NPSR1: variants seen among roughly 807,000 people sequenced by gnomAD.
NPSR1 encodes neuropeptide S receptor 1.
Under a neutral mutation model 46.9 loss-of-function variants are expected in NPSR1, and 48 were observed. The ratio of observed to expected loss-of-function variants is 1.02; its 90% CI spans 0.81 to 1.30. The LOEUF (loss-of-function observed/expected upper bound fraction) is 1.30. Among genes scored for constraint, NPSR1 ranks in the 50% most tolerant of loss-of-function variants. The pLI is 0.00. For synonymous variants in NPSR1, 176 were observed against 168.1 expected, an observed-to-expected ratio of 1.05 and a Z score of -0.36; for missense variants, 450 against 449.5, an observed-to-expected ratio of 1.00 and a Z score of -0.01.
At chr7:34,825,259 A>G (rs1262424936) in intron 4 of NPSR1, among the ~76,000 whole-genome samples, 3 of 152,090 alleles carry the variant, frequency 2.0e-5, no homozygotes, top group Admixed American at 6.5e-5. Context: ...ACCTCCCCAT[A>G]TGTCTGTGCC....
intron 2 of NPSR1, among the ~76,000 whole-genome samples, chr7:34,741,107 A>G (rs1277986603): frequency 6.6e-6 from 1 of 152,144 alleles, no homozygotes; most frequent in Non-Finnish European, 1.5e-5. Flanking sequence ...TGTTACTTTT[A>G]AGATTGTCTC....
intron 3 of NPSR1, among the ~76,000 whole-genome samples, chr7:34,801,784 T>G (rs1177049115): frequency 6.7e-6 from 1 of 149,044 alleles, no homozygotes; most frequent in Non-Finnish European, 1.5e-5. Context: ...AAATTGTCCC[T>G]GTTTGCAGAT....
At chr7:34,832,746 T>A (rs958220975) in intron 5 of NPSR1, among the ~76,000 whole-genome samples, 2 of 152,212 alleles carry the variant, frequency 1.3e-5, no homozygotes, top group African/African-American at 4.8e-5. Flanking sequence ...CCTGTGTACA[T>A]GGTTGATAAC....
At chr7:34,796,620 A>C (rs1788184047) in intron 3 of NPSR1, among the ~76,000 whole-genome samples, 1 of 152,202 alleles carries the variant, frequency 6.6e-6, no homozygotes, top group Non-Finnish European at 1.5e-5. Context: ...TGCAAATTAA[A>C]ACAATGATAT....
intron 1 of NPSR1, among the ~76,000 whole-genome samples, chr7:34,664,319 A>T (rs1013142883): frequency 6.6e-6 from 1 of 152,204 alleles, no homozygotes; most frequent in Non-Finnish European, 1.5e-5. Context: ...TAATAATTGC[A>T]TGTCCTGTAG....
chr7:34,860,848 C>G (rs1791176607), intron 8 of NPSR1, among the ~76,000 whole-genome samples: 1 of 151,872 alleles, frequency 6.6e-6, no homozygotes, highest in South Asian at 2.1e-4. Flanking sequence ...CTTCCCCACT[C>G]TCCCCACTCC....
chr7:34,862,991 G>T (rs928921197), intron 8 of NPSR1, among the ~76,000 whole-genome samples: 7 of 151,630 alleles, frequency 4.6e-5, no homozygotes, highest in Admixed American at 4.6e-4. Flanking sequence ...ATACTACAAG[G>T]CTACAGTAAC....
intron 3 of NPSR1, among the ~76,000 whole-genome samples, chr7:34,811,054 G>A (rs1328108076): frequency 6.6e-6 from 1 of 152,140 alleles, no homozygotes; most frequent in Non-Finnish European, 1.5e-5. Context: ...GTCTGGGGTG[G>A]GTGCCTGTGA....
intron 3 of NPSR1, among the ~76,000 whole-genome samples, chr7:34,803,380 T>G (rs1221493428): frequency 6.6e-6 from 1 of 152,148 alleles, no homozygotes; most frequent in East Asian, 1.9e-4. Context: ...TGGAATACTA[T>G]GCAACCATAA....
intron 2 of NPSR1, among the ~76,000 whole-genome samples, chr7:34,696,777 G>A (rs1275411610): frequency 3.9e-5 from 6 of 151,958 alleles, no homozygotes; most frequent in Non-Finnish European, 7.4e-5. Flanking sequence ...AACACTTATA[G>A]TGGCCAATAA....
rs557756546 is a variant in NPSR1 at position 34,725,617 on chromosome 7, C to A, written c.280+40933C>A. 2.0e-5 allele frequency among the ~76,000 whole-genome samples: 3 copies of A among 152,298 alleles called. No individual in the cohort carries two copies. In the East Asian group the frequency reaches 5.8e-4, roughly 29 times the overall value. ...CATAGTGAGGTCCCCAGAATGTGGG[C>A]AAAATCTAGTGGAGAGACTCTTTTC... On this transcript the variant is annotated intron_variant, in intron 2 of 8. Transcript: ENST00000360581.
chr7:34,815,274 T>C (rs1011242900), intron 4 of NPSR1, among the ~76,000 whole-genome samples: 5 of 152,142 alleles, frequency 3.3e-5, no homozygotes, highest in African/African-American at 7.2e-5. Context: ...TCGTGAGGCA[T>C]GCACAAGCTT....
At chr7:34,666,343 C>A (rs767535621) in intron 1 of NPSR1, among the ~76,000 whole-genome samples, 7 of 152,184 alleles carry the variant, frequency 4.6e-5, no homozygotes, top group Non-Finnish European at 1.0e-4. Context: ...CTCCTCCTCA[C>A]TTTCCCAGCT....
chr7:34,746,984 G>T (rs1195601780), intron 2 of NPSR1, among the ~76,000 whole-genome samples: 1 of 152,054 alleles, frequency 6.6e-6, no homozygotes. Context: ...AATTAGCTGT[G>T]CATGGTGGAA....
At chr7:34,874,594 G>A (rs1233468323) in intron 8 of NPSR1, among the ~76,000 whole-genome samples, 2 of 152,208 alleles carry the variant, frequency 1.3e-5, no homozygotes, top group East Asian at 1.9e-4. Flanking sequence ...TAAACCGTGA[G>A]ACCATCTTGT....
chr7:34,819,890 G>T (rs1036262229), intron 4 of NPSR1, among the ~76,000 whole-genome samples: 1 of 152,146 alleles, frequency 6.6e-6, no homozygotes, highest in Non-Finnish European at 1.5e-5. Flanking sequence ...TTGGACGCAG[G>T]GTGGGGAACA....
intron 5 of NPSR1, among the ~76,000 whole-genome samples, chr7:34,829,074 C>G (rs1455723099): frequency 2.0e-5 from 3 of 152,156 alleles, no homozygotes; most frequent in Non-Finnish European, 2.9e-5. Context: ...TGGGAGTCAC[C>G]TTTTCCTGCT....
At chr7:34,809,234 C>A (rs1459694063) in intron 3 of NPSR1, among the ~76,000 whole-genome samples, 1 of 151,882 alleles carries the variant, frequency 6.6e-6, no homozygotes, top group African/African-American at 2.4e-5. Flanking sequence ...AGTAGACGAT[C>A]GATTTTTTTT....
At chr7:34,842,192 T>C (rs1187255306) in intron 6 of NPSR1, among the ~76,000 whole-genome samples, 1 of 152,244 alleles carries the variant, frequency 6.6e-6, no homozygotes, top group Middle Eastern at 3.2e-3. Flanking sequence ...GTTCTACACC[T>C]CAATTTTTAA....
Sources: gnomAD v4.1 joint callset for allele counts (sites outside exome capture counted in the v4.1 genomes callset) on GRCh38, gnomAD v4.1.1 for gene constraint, MANE v1.5 for transcripts, NCBI Gene and HGNC (gene_info 2026-07-23, HGNC 2026-07-21) for gene names.